FAN1: variants seen among roughly 807,000 people sequenced by gnomAD.
FAN1 encodes the protein fanconi-associated nuclease 1.
Under a neutral mutation model 104.9 loss-of-function variants are expected in FAN1, and 91 were observed. That is an observed-to-expected ratio of 0.87 (90% CI 0.73 to 1.03). The LOEUF (loss-of-function observed/expected upper bound fraction) is 1.03. Ranked by LOEUF, FAN1 falls within the 50% of genes least tolerant of loss-of-function variation. The pLI is 0.00. For missense variants in FAN1, 1,263 were observed against 1,239.9 expected (o/e 1.02, Z -0.28); for synonymous variants, 478 against 457.6 (o/e 1.04, Z -0.57).
In FAN1 at chr15:30,942,357, G is replaced by A; in HGVS notation, c.*795G>A. On this transcript the variant is annotated 3_prime_UTR_variant, in exon 15 of 15. Coordinates refer to ENST00000362065, the MANE Select transcript of FAN1 (RefSeq NM_014967.5). ...TAAGGATAAGTTCTAAGACGGGCTA[G>A]AAAAAACACTAGACCTGGCCGATTC... 2 of 466,548 alleles carry A rather than the reference G, an allele frequency of 4.3e-6. No individual in the cohort carries two copies. The highest frequency in any genetic ancestry group is 7.6e-6 in the Non-Finnish European group (2 of 263,620). The allele number at this position is 466,548 out of a possible 1,614,324, so 28.9% of individuals were successfully genotyped here.
At chr15:30,927,995 C>T in intron 10 of FAN1, 1 of 985,856 alleles carries the variant, frequency 1.0e-6, no homozygotes, top group Non-Finnish European at 1.2e-6. Flanking sequence ...CTGTAAAAGC[C>T]TTGACTATCG....
chr15:30,929,708 C>CATATAATATATATGAA (rs1566929597), intron 12 of FAN1, among the ~76,000 whole-genome samples: 1 of 76,516 alleles, frequency 1.3e-5, no homozygotes, highest in Non-Finnish European at 2.3e-5. Flanking sequence ...TATATTATAT[C>CATATAATATATATGAA]ATATATAATA....
Position 30,905,211 on chromosome 15 carries a change from G to T in FAN1, c.548G>T (p.Ser183Ile). 6.2e-7 allele frequency: 1 copy of T among 1,613,846 alleles called. No homozygotes were observed. Among genetic ancestry groups the T allele is most frequent in the Non-Finnish European group, 8.5e-7 (1 of 1,179,932 alleles). ...DEEFAGSSPQ[S>I]SKSTVVKSLI... ...GAATTTGCCGGTTCTAGTCCACAGA[G>T]TTCCAAATCCACAGTTGTTAAGAGC... Residue 183 changes from serine (S) to isoleucine (I), a missense_variant, in exon 2 of 15, where the codon AGT becomes ATT. By Grantham distance (142) the Ser-to-Ile change is moderately radical. Transcript: ENST00000362065.
At chr15:30,939,161 T>TGTTA in intron 14 of FAN1, 1 of 985,406 alleles carries the variant, frequency 1.0e-6, no homozygotes. Context: ...TTTCACCCTC[T>TGTTA]GTTAGTACAA....
rs371691425 is a variant in FAN1 at position 30,918,242 on chromosome 15, C to A, written c.1890C>A (p.Leu630=). 6.2e-7 allele frequency: 1 copy of A among 1,614,018 alleles called. No individual in the cohort carries two copies. Among genetic ancestry groups the A allele is most frequent in the South Asian group, 1.1e-5 (1 of 91,070 alleles). ...ANGNWEEAKE[L]AQCAKRDWNR... The stretch of plus-strand genomic sequence containing the variant: ...GGAACTGGGAAGAAGCTAAGGAGCT[C>A]GCTCAGTGTGCAAAAAGGGATTGGA... Residue 630 remains leucine (L), a synonymous_variant, in exon 6 of 15, where the codon CTC becomes CTA. Coordinates refer to ENST00000362065, the MANE Select transcript of FAN1 (RefSeq NM_014967.5).
chr15:30,941,073 T>C, intron 14 of FAN1: 1 of 1,205,892 alleles, frequency 8.3e-7, no homozygotes. Context: ...CTGGAGGTTT[T>C]ATCAGATGCT....
At chr15:30,938,659 CTT>C (rs957825984) in intron 14 of FAN1, among the ~76,000 whole-genome samples, 1 of 152,110 alleles carries the variant, frequency 6.6e-6, no homozygotes, top group African/African-American at 2.4e-5. Flanking sequence ...CAGTCTGTCT[CTT>C]GACTTCTTTG....
Position 30,942,377 on chromosome 15 carries a change from C to T in FAN1, c.*815C>T, listed in dbSNP as rs1482794091. The T allele has an allele frequency of 2.6e-6, 1 of 390,598 alleles. No individual in the cohort carries two copies. Among genetic ancestry groups the T allele is most frequent in the Admixed American group, 4.2e-5 (1 of 23,772 alleles). The allele number at this position is 390,598 out of a possible 1,614,324, so 24.2% of individuals were successfully genotyped here. On this transcript the variant is annotated 3_prime_UTR_variant, in exon 15 of 15. Coordinates refer to ENST00000362065, the MANE Select transcript of FAN1 (RefSeq NM_014967.5). ...GGCTAGAAAAAACACTAGACCTGGC[C>T]GATTCTATCAAGAACAATGGCAAAC...
intron 14 of FAN1, among the ~76,000 whole-genome samples, chr15:30,937,983 A>T (rs1296748823): frequency 6.6e-6 from 1 of 151,760 alleles, no homozygotes; most frequent in African/African-American, 2.4e-5. Flanking sequence ...CAAGAGATCG[A>T]GACCATCCTG....
chr15:30,915,043 G>A (rs1209908468), intron 5 of FAN1, among the ~76,000 whole-genome samples: 5 of 152,112 alleles, frequency 3.3e-5, no homozygotes, highest in Non-Finnish European at 7.3e-5. Context: ...GCCAAGATAG[G>A]GAGTCAACCT....
At chr15:30,921,112 G>T (rs1190814775) in intron 7 of FAN1, among the ~76,000 whole-genome samples, 2 of 152,144 alleles carry the variant, frequency 1.3e-5, no homozygotes, top group Non-Finnish European at 2.9e-5. Flanking sequence ...GCCAACGAGG[G>T]CATAGTTAAT....
intron 8 of FAN1, among the ~76,000 whole-genome samples, chr15:30,924,787 G>A (rs1362134570): frequency 6.6e-6 from 1 of 152,078 alleles, no homozygotes; most frequent in Non-Finnish European, 1.5e-5. Context: ...AAGCTGCCTA[G>A]GTGATGTCCT....
At chr15:30,927,406 G>C in intron 10 of FAN1, 1 of 985,562 alleles carries the variant, frequency 1.0e-6, no homozygotes, top group Non-Finnish European at 1.2e-6. Context: ...TGAGTGAACC[G>C]CTGTCCTTTT....
intron 10 of FAN1, chr15:30,927,543 G>A: frequency 1.0e-6 from 1 of 985,702 alleles, no homozygotes; most frequent in Non-Finnish European, 1.2e-6. Flanking sequence ...GTGGCTTCCT[G>A]CCCTCTGCTC....
Position 30,905,043 on chromosome 15 carries a change from C to A in FAN1, c.380C>A (p.Pro127His). 6.2e-7 allele frequency: 1 copy of A among 1,613,974 alleles called. No homozygotes were observed. The highest frequency in any genetic ancestry group is 8.5e-7 in the Non-Finnish European group (1 of 1,180,000). The change falls in exon 2 of 15, where the codon CCC (proline) becomes CAC (histidine). Residue 127 changes from proline (P) to histidine (H), a missense_variant. By Grantham distance (77) the Pro-to-His change is moderately conservative (BLOSUM62 -2). This residue lies in a region of FAN1 where 682 missense variants were observed against 571.1 expected (regional missense o/e 1.19). Coordinates refer to ENST00000362065, the MANE Select transcript of FAN1 (RefSeq NM_014967.5). Reference protein sequence around the residue: ...AKREVKQKISPYFKSNDVVCK... With the variant: ...AKREVKQKISHYFKSNDVVCK... ...AGGGAAGTAAAGCAGAAGATCAGTC[C>A]CTACTTTAAAAGTAATGATGTGGTG...
In FAN1 at chr15:30,914,032, T is replaced by G. The variant is rs2062151176; in HGVS notation, c.1752T>G (p.Phe584Leu). 6.2e-7 allele frequency: 1 copy of G among 1,614,078 alleles called. No homozygotes were observed. The highest frequency in any genetic ancestry group is 8.5e-7 in the Non-Finnish European group (1 of 1,180,038). Residue 584 changes from phenylalanine to leucine, a missense_variant, in exon 5 of 15, where the codon TTT becomes TTG. Physicochemically the swap from Phe to Leu is conservative, Grantham distance 22 (BLOSUM62 0). This residue lies in a region of FAN1 where 581 missense variants were observed against 668.8 expected (regional missense o/e 0.87). Coordinates refer to ENST00000362065, the MANE Select transcript of FAN1 (RefSeq NM_014967.5). ...VLLVNLGRME[F>L]PSYTINRKTH... Reference sequence around the variant, plus strand: ...TGGTCAACCTCGGCCGAATGGAGTTTCCTAGTTACACCATCAATCGGAAAA... The same window carrying G: ...TGGTCAACCTCGGCCGAATGGAGTTGCCTAGTTACACCATCAATCGGAAAA...
In FAN1 at chr15:30,941,931, T is replaced by C. The variant is rs2063069480; in HGVS notation, c.*369T>C. 1 of 1,614,066 alleles carries C rather than the reference T, an allele frequency of 6.2e-7. No homozygotes were observed. The highest frequency in any genetic ancestry group is 2.2e-5 in the East Asian group (1 of 44,892). On this transcript the variant is annotated 3_prime_UTR_variant, in exon 15 of 15. Coordinates refer to ENST00000362065, the MANE Select transcript of FAN1 (RefSeq NM_014967.5). ...TCTCTAAAATACTGCTCCGTATCACTGTTCTGGCTGTCGGTTTGCTGAGCT... is the reference window on the plus strand; with the variant it reads ...TCTCTAAAATACTGCTCCGTATCACCGTTCTGGCTGTCGGTTTGCTGAGCT...
At chr15:30,906,247 G>T (rs553515489) in intron 2 of FAN1, 3 of 436,284 alleles carry the variant, frequency 6.9e-6, no homozygotes, top group South Asian at 1.8e-5. Flanking sequence ...CATTTTGAGC[G>T]TGTAATCAGG....
intron 13 of FAN1, among the ~76,000 whole-genome samples, chr15:30,934,706 A>T (rs951681706): frequency 6.6e-6 from 1 of 152,156 alleles, no homozygotes; most frequent in Non-Finnish European, 1.5e-5. Context: ...ATTGCATTTG[A>T]TAGCTTTGCT....
Sources: gnomAD v4.1 joint callset for allele counts (sites outside exome capture counted in the v4.1 genomes callset) on GRCh38, gnomAD v4.1.1 for gene constraint, gnomAD v4.1.1 regional missense constraint, MANE v1.5 for transcripts, NCBI Gene and HGNC (gene_info 2026-07-23, HGNC 2026-07-21) for gene names.